RBFOX1: variants seen among roughly 807,000 people sequenced by gnomAD.
RBFOX1 encodes the protein RNA binding protein fox-1 homolog 1.
In RBFOX1, 8 loss-of-function variants were observed where a neutral mutation model predicts 57.7. The ratio of observed to expected loss-of-function variants is 0.14; its 90% confidence interval spans 0.08 to 0.25. The LOEUF (loss-of-function observed/expected upper bound fraction) is 0.25. Among genes scored for constraint, RBFOX1 ranks in the 10% least tolerant of loss-of-function variants. The probability of loss-of-function intolerance (pLI) is 1.00; values close to 1 mark genes in which losing one functional copy is unlikely to be tolerated. For missense variants in RBFOX1, 611 were observed against 548.5 expected, an observed-to-expected ratio of 1.11 and a Z score of -1.14; for synonymous variants, 326 against 222.4, an observed-to-expected ratio of 1.47 and a Z score of -4.15.
chr16:6,618,952 A>G (rs1032378573), intron 2 of RBFOX1, among the ~76,000 whole-genome samples: 7 of 152,190 alleles, frequency 4.6e-5, no homozygotes, highest in African/African-American at 1.7e-4. Context: ...CACATCACAG[A>G]GAATGCAAAA....
At chr16:5,604,532 G>T (rs1288929790), downstream of RBFOX1, among the ~76,000 whole-genome samples, 1 of 152,182 alleles carries the variant, frequency 6.6e-6, no homozygotes, top group Non-Finnish European at 1.5e-5. Flanking sequence ...TCCCGGGAGT[G>T]TCTCTCTAGT....
At chr16:7,270,308 C>G (rs569123766) in intron 4 of RBFOX1, among the ~76,000 whole-genome samples, 1 of 152,266 alleles carries the variant, frequency 6.6e-6, no homozygotes, top group African/African-American at 2.4e-5. Flanking sequence ...AAGCATCTGT[C>G]TGGTTTTTAT....
At chr16:5,704,385 G>T (rs559010000) in intron 3 of RBFOX1, among the ~76,000 whole-genome samples, 1 of 152,210 alleles carries the variant, frequency 6.6e-6, no homozygotes, top group East Asian at 1.9e-4. Flanking sequence ...GGCCCTGGGG[G>T]TCTGGGGGTC....
At chr16:7,532,207 C>A (rs75584952) in intron 5 of RBFOX1, among the ~76,000 whole-genome samples, 6 of 151,670 alleles carry the variant, frequency 4.0e-5, no homozygotes, top group Admixed American at 2.0e-4. Context: ...TTCGTCCCCC[C>A]TCTTCCCTCT....
intron 4 of RBFOX1, among the ~76,000 whole-genome samples, chr16:5,918,438 C>A (rs1306684792): frequency 6.6e-6 from 1 of 152,114 alleles, no homozygotes; most frequent in Admixed American, 6.6e-5. Context: ...CTTTTTCCAC[C>A]AACACCGGTG....
intron 4 of RBFOX1, among the ~76,000 whole-genome samples, chr16:7,089,239 G>C (rs578185929): frequency 6.6e-6 from 1 of 152,158 alleles, no homozygotes; most frequent in Non-Finnish European, 1.5e-5. Flanking sequence ...CTTCGAGCTT[G>C]CGTATCACGA....
chr16:7,302,715 T>C (rs1568110350), intron 4 of RBFOX1, among the ~76,000 whole-genome samples: 1 of 149,958 alleles, frequency 6.7e-6, no homozygotes, highest in Non-Finnish European at 1.5e-5. Flanking sequence ...ATCACGATTT[T>C]ATTGCTGCCA....
rs1353709719 is a variant in RBFOX1, at chr16:7,189,566, CACACACACACACACACACACAT to C, written c.27+137478_27+137499del. On this transcript the variant is annotated intron_variant, in intron 4 of 15. Transcript: ENST00000550418. ...CTATGTCCCCCAAAACACACACACACACACACACACACACACACACATACACACACAAAATAGAGCACATAAG... is the reference window on the plus strand; with the variant it reads ...CTATGTCCCCCAAAACACACACACACACACACACAAAATAGAGCACATAAG... Among the ~76,000 whole-genome samples the C allele has an allele frequency of 2.8e-3, 423 of 151,198 alleles. 1 individual carries two copies. The highest frequency in any genetic ancestry group is 4.4e-3 in the Non-Finnish European group (296 of 67,782).
At chr16:6,015,032 T>C (rs2094984916), upstream of RBFOX1, among the ~76,000 whole-genome samples, 1 of 151,994 alleles carries the variant, frequency 6.6e-6, no homozygotes. Context: ...ATATTTTAAA[T>C]TTCTTGTAGA....
At chr16:5,690,218 T>C (rs547168114) in intron 3 of RBFOX1, among the ~76,000 whole-genome samples, 1 of 152,362 alleles carries the variant, frequency 6.6e-6, no homozygotes, top group East Asian at 1.9e-4. Context: ...TTGAAGACAG[T>C]CATCCATGAG....
At chr16:7,015,590 G>C (rs2093871324) in intron 3 of RBFOX1, among the ~76,000 whole-genome samples, 1 of 152,060 alleles carries the variant, frequency 6.6e-6, no homozygotes, top group Admixed American at 6.5e-5. Flanking sequence ...TGAGATTTTG[G>C]CTTATTTAAG....
At position 5,265,611 on chromosome 16, in the gene RBFOX1, G is replaced by T. The variant is rs116017119; in HGVS notation, c.219+25506G>T. On this transcript the variant is annotated intron_variant, in intron 1 of 2. Coordinates refer to the RBFOX1 transcript ENST00000585867. ...CAATATGTGTAGCTCAGGAGGTAGA[G>T]CTTGCTTTGAGATGCAGAAGTGTTT... is the stretch of plus-strand genomic sequence containing the variant. Among the ~76,000 whole-genome samples, 1,446 of 152,334 alleles carry T rather than the reference G, an allele frequency of 9.5e-3. 20 individuals carry two copies. The highest frequency in any genetic ancestry group is 0.026 in the African/African-American group (1,090 of 41,566).
intron 1 of RBFOX1, among the ~76,000 whole-genome samples, chr16:6,152,479 A>C (rs1373434207): frequency 6.6e-6 from 1 of 152,204 alleles, no homozygotes; most frequent in Admixed American, 6.5e-5. Context: ...AGCTTCTGGC[A>C]TGAGATGAAA....
chr16:5,737,258 T>G (rs1256822937), intron 3 of RBFOX1, among the ~76,000 whole-genome samples: 1 of 151,928 alleles, frequency 6.6e-6, no homozygotes, highest in Non-Finnish European at 1.5e-5. Context: ...CCAAGGCAGG[T>G]GAATCACTTG....
Position 5,861,823 on chromosome 16 carries a change from A to G in RBFOX1, c.319-5480A>G, listed in dbSNP as rs75020234. On this transcript the variant is annotated intron_variant, in intron 3 of 19. Coordinates refer to the RBFOX1 transcript ENST00000641259. ...TCTTGAACCCATCTTCTTAGACGCA[A>G]TGGCAGAACAGATGAAACCAGAAAA... Among the ~76,000 whole-genome samples the G allele has an allele frequency of 3.8e-3, 577 of 152,334 alleles. 4 individuals are homozygous for G. Among genetic ancestry groups the G allele is most frequent in the Middle Eastern group, 0.031 (9 of 294 alleles).
chr16:6,163,116 CAGCACTGAAGGA>C (rs1482598350), intron 1 of RBFOX1, among the ~76,000 whole-genome samples: 1 of 152,110 alleles, frequency 6.6e-6, no homozygotes, highest in East Asian at 1.9e-4. Context: ...CCTTTAGACA[CAGCACTGAAGGA>C]AGGGTTGTGG....
intron 3 of RBFOX1, among the ~76,000 whole-genome samples, chr16:6,767,915 A>G (rs1161648480): frequency 1.9e-5 from 1 of 52,090 alleles, no homozygotes; most frequent in Non-Finnish European, 4.0e-5. Flanking sequence ...ACTCTATCTC[A>G]ATAATAATAA....
intron 3 of RBFOX1, among the ~76,000 whole-genome samples, chr16:5,727,463 A>G (rs571694224): frequency 2.0e-5 from 3 of 152,278 alleles, no homozygotes; most frequent in African/African-American, 7.2e-5. Flanking sequence ...TAACATACCC[A>G]TTACCTGACA....
chr16:5,927,108 A>G (rs2152240263), intron 4 of RBFOX1, among the ~76,000 whole-genome samples: 1 of 152,330 alleles, frequency 6.6e-6, no homozygotes, highest in East Asian at 1.9e-4. Flanking sequence ...AATGTTTTAA[A>G]TTGATTCCAT....
Sources: gnomAD v4.1 joint callset for allele counts (sites outside exome capture counted in the v4.1 genomes callset) on GRCh38, gnomAD v4.1.1 for gene constraint, MANE v1.5 for transcripts, NCBI Gene and HGNC (gene_info 2026-07-23, HGNC 2026-07-21) for gene names.